DNER: variants seen among roughly 807,000 people sequenced by gnomAD.
The protein encoded by DNER is delta/notch like EGF repeat containing.
Under a neutral mutation model 78.2 loss-of-function variants are expected in DNER, and 33 were observed. The ratio of observed to expected loss-of-function variants is 0.42; its 90% CI spans 0.32 to 0.56. The LOEUF (loss-of-function observed/expected upper bound fraction) is 0.56, where lower values mean the gene tolerates loss of function less well. Among genes scored for constraint, DNER ranks in the 20% least tolerant of loss-of-function variants. DNER has a pLI of 0.11. For missense variants in DNER, 918 were observed against 975.3 expected (o/e 0.94, Z 0.78); for synonymous variants, 417 against 384.8 (o/e 1.08, Z -0.98).
rs189295217 is a variant in DNER at position 229,499,995 on chromosome 2, C to T, written c.1147+12788G>A. Among the ~76,000 whole-genome samples the T allele has an allele frequency of 3.5e-3, 521 of 150,308 alleles. 1 individual carries two copies. The highest frequency in any genetic ancestry group is 0.012 in the African/African-American group (504 of 40,898). ...TGTCACCCAGGCTGGAGTGCAGTGG[C>T]ACAATCTCGGTCACTGCAACCTCCA... On this transcript the variant is annotated intron_variant, in intron 6 of 12. Coordinates refer to ENST00000341772, the MANE Select transcript of DNER (RefSeq NM_139072.4).
chr2:229,576,406 T>C (rs1021835213), intron 4 of DNER, among the ~76,000 whole-genome samples: 6 of 151,328 alleles, frequency 4.0e-5, no homozygotes, highest in Non-Finnish European at 7.4e-5. Context: ...AGGATTTAAA[T>C]GTCACAGAGG....
At chr2:229,471,418 CT>C (rs1694923251) in intron 7 of DNER, among the ~76,000 whole-genome samples, 1 of 152,082 alleles carries the variant, frequency 6.6e-6, no homozygotes, top group Non-Finnish European at 1.5e-5. Flanking sequence ...CCTACAGGAC[CT>C]TTGGGCCAAC....
intron 9 of DNER, among the ~76,000 whole-genome samples, chr2:229,413,483 T>C (rs6436865): frequency 0.81 from 121,873 of 151,212 alleles, 49,861 homozygotes; most frequent in African/African-American, 0.87. Flanking sequence ...CCACAGCGCC[T>C]GGCTAATTTT....
At chr2:229,584,774 A>C (rs1697468196) in intron 4 of DNER, among the ~76,000 whole-genome samples, 1 of 152,060 alleles carries the variant, frequency 6.6e-6, no homozygotes, top group Non-Finnish European at 1.5e-5. Flanking sequence ...ACTAAAATAC[A>C]AAACAAAAAA....
At chr2:229,394,812 A>G (rs62190335) in intron 10 of DNER, among the ~76,000 whole-genome samples, 57,686 of 152,178 alleles carry the variant, frequency 0.38, 12,319 homozygotes, top group Middle Eastern at 0.5. Flanking sequence ...AAGATTTTCT[A>G]AAGAGCTCTA....
intron 1 of DNER, among the ~76,000 whole-genome samples, chr2:229,660,771 G>T (rs1698995817): frequency 1.3e-5 from 2 of 152,064 alleles, no homozygotes. Context: ...CTTAGTTTTG[G>T]GGTGAGCAGG....
intron 1 of DNER, among the ~76,000 whole-genome samples, chr2:229,599,440 T>G (rs1295329176): frequency 2.0e-5 from 3 of 152,184 alleles, no homozygotes; most frequent in Admixed American, 6.5e-5. Context: ...TTGGATAATT[T>G]TTTTTATCAC....
intron 4 of DNER, among the ~76,000 whole-genome samples, chr2:229,559,232 T>C (rs1413655607): frequency 6.6e-6 from 1 of 152,092 alleles, no homozygotes; most frequent in Non-Finnish European, 1.5e-5. Flanking sequence ...AGAAACATCA[T>C]GGCTGAAGAT....
At chr2:229,679,171 C>T (rs1699347728) in intron 1 of DNER, among the ~76,000 whole-genome samples, 1 of 152,116 alleles carries the variant, frequency 6.6e-6, no homozygotes, top group African/African-American at 2.4e-5. Context: ...CTGCCTCAGA[C>T]CTGCCTGAAG....
chr2:229,509,311 C>T (rs533621015), intron 6 of DNER, among the ~76,000 whole-genome samples: 2 of 152,334 alleles, frequency 1.3e-5, no homozygotes, highest in African/African-American at 4.8e-5. Flanking sequence ...CTTTATTTAA[C>T]ATTACTTCCA....
At chr2:229,601,900 T>C (rs1697832452) in intron 1 of DNER, among the ~76,000 whole-genome samples, 1 of 152,182 alleles carries the variant, frequency 6.6e-6, no homozygotes, top group South Asian at 2.1e-4. Flanking sequence ...AAAAACCTGA[T>C]CTTCCCTTTG....
At chr2:229,662,200 G>A (rs1016661394) in intron 1 of DNER, among the ~76,000 whole-genome samples, 12 of 152,152 alleles carry the variant, frequency 7.9e-5, no homozygotes, top group African/African-American at 2.7e-4. Flanking sequence ...GGCGAACTGG[G>A]ACAGAACTTT....
chr2:229,708,163 G>C (rs1699857547), intron 1 of DNER, among the ~76,000 whole-genome samples: 1 of 152,236 alleles, frequency 6.6e-6, no homozygotes, highest in African/African-American at 2.4e-5. Flanking sequence ...CCTTCAGGCA[G>C]GAGTGACCAA....
chr2:229,699,260 C>T (rs1182753471), intron 1 of DNER, among the ~76,000 whole-genome samples: 8 of 152,148 alleles, frequency 5.3e-5, no homozygotes, highest in South Asian at 2.1e-4. Flanking sequence ...AGTGTTCCAG[C>T]CTCAATAAAA....
chr2:229,539,961 G>A (rs545420855), intron 5 of DNER, among the ~76,000 whole-genome samples: 7 of 152,288 alleles, frequency 4.6e-5, no homozygotes, highest in Non-Finnish European at 8.8e-5. Flanking sequence ...AGACCAGTAT[G>A]TATCCTCCAG....
chr2:229,654,197 G>A (rs936591006), intron 1 of DNER, among the ~76,000 whole-genome samples: 5 of 151,322 alleles, frequency 3.3e-5, no homozygotes, highest in African/African-American at 1.2e-4. Flanking sequence ...TCCCACCTAT[G>A]AGTGAGAACA....
At chr2:229,360,441 C>T (rs967026332) in intron 12 of DNER, among the ~76,000 whole-genome samples, 1 of 152,108 alleles carries the variant, frequency 6.6e-6, no homozygotes, top group Non-Finnish European at 1.5e-5. Context: ...GACAGAGTCT[C>T]GCACTGTTGC....
intron 4 of DNER, among the ~76,000 whole-genome samples, chr2:229,555,334 C>T (rs1466427595): frequency 1.3e-5 from 2 of 152,134 alleles, no homozygotes; most frequent in East Asian, 3.9e-4. Context: ...ATGTAGACAC[C>T]TTACACCTCT....
chr2:229,637,079 A>G (rs1414588207), intron 1 of DNER, among the ~76,000 whole-genome samples: 1 of 152,196 alleles, frequency 6.6e-6, no homozygotes, highest in Non-Finnish European at 1.5e-5. Context: ...GTTTGGGTCC[A>G]TCTGTTTTCT....
Sources: gnomAD v4.1 joint callset for allele counts (sites outside exome capture counted in the v4.1 genomes callset) on GRCh38, gnomAD v4.1.1 for gene constraint, MANE v1.5 for transcripts, NCBI Gene and HGNC (gene_info 2026-07-23, HGNC 2026-07-21) for gene names.